The following ADAM28 variants were observed in gnomAD, a reference collection of about 807,000 sequenced individuals.
ADAM28 encodes the protein disintegrin and metalloproteinase domain-containing protein 28.
Under a neutral mutation model 101.2 loss-of-function variants are expected in ADAM28, and 105 were observed. That is an observed-to-expected ratio of 1.04 (90% CI 0.89 to 1.22). The LOEUF (loss-of-function observed/expected upper bound fraction) is 1.22, where lower values mean the gene tolerates loss of function less well. ADAM28 is among the 50% of genes most tolerant of loss of function. The pLI is 0.00. For synonymous variants in ADAM28, 322 were observed against 310.6 expected (o/e 1.04, Z -0.39); for missense variants, 1,028 against 945.4 (o/e 1.09, Z -1.15).
chr8:24,310,389 A>C (rs1245667069), intron 4 of ADAM28, 148 bp downstream of exon 4: 2 of 728,604 alleles, frequency 2.7e-6, no homozygotes, highest in African/African-American at 3.6e-5. Flanking sequence ...ATATAAAAAA[A>C]AGAAAAGTGG....
chr8:24,301,347 C>T (rs1563263793), intron 2 of ADAM28, among the ~76,000 whole-genome samples: 1 of 152,134 alleles, frequency 6.6e-6, no homozygotes, highest in Non-Finnish European at 1.5e-5. Flanking sequence ...AAATGTCAGA[C>T]ACCTTTTTTC....
intron 9 of ADAM28, among the ~76,000 whole-genome samples, chr8:24,325,905 AAAAC>A (rs1026445860): frequency 1.1e-4 from 16 of 149,286 alleles, no homozygotes; most frequent in African/African-American, 3.9e-4. Context: ...AAAAAACCAA[AAAAC>A]AAAAACTAAA....
chr8:24,321,256 G>C lies in ADAM28; in HGVS notation c.687G>C (p.Lys229Asn), dbSNP rs202161203. Residue 229 changes from lysine (K) to asparagine (N), a missense_variant, in exon 8 of 23, where the codon AAG becomes AAC. Physicochemically the swap from Lys to Asn is moderately conservative, Grantham distance 94 (BLOSUM62 0). Transcript: ENST00000265769. ...RYNENQDEIR[K>N]RVFEMANYVN... is the part of the protein sequence containing the mutation. ...ATGAGAATCAAGATGAGATCAGAAAGAGGGTATTTGAGATGGCTAATTATG... is the reference window on the plus strand; with the variant it reads ...ATGAGAATCAAGATGAGATCAGAAACAGGGTATTTGAGATGGCTAATTATG... The C allele has an allele frequency of 4.4e-6, 7 of 1,607,728 alleles. No homozygotes were observed.
chr8:24,298,136 T>C (rs1184266387), intron 1 of ADAM28, among the ~76,000 whole-genome samples: 1 of 152,202 alleles, frequency 6.6e-6, no homozygotes, highest in Admixed American at 6.5e-5. Context: ...GAACTAGCTT[T>C]AGAAACCATT....
intron 6 of ADAM28, among the ~76,000 whole-genome samples, chr8:24,314,049 A>G (rs12676567): frequency 0.18 from 27,633 of 152,142 alleles, 2,692 homozygotes; most frequent in East Asian, 0.34. Context: ...GAGCCACCGC[A>G]CTTAGCCGGA....
intron 2 of ADAM28, among the ~76,000 whole-genome samples, chr8:24,304,324 T>C (rs1322853743): frequency 6.6e-6 from 1 of 151,472 alleles, no homozygotes; most frequent in Non-Finnish European, 1.5e-5. Context: ...TCTAGTCCAT[T>C]ACTAGGTTAA....
At position 24,309,883 on chromosome 8, in the gene ADAM28, T is replaced by C; in HGVS notation, c.151-11T>C. Reference sequence around the variant, plus strand: ...TTTTAATTACAAGTAAATGTTTGTGTATTTTTGCAGGAACAATTTGAAACT... The same window carrying C: ...TTTTAATTACAAGTAAATGTTTGTGCATTTTTGCAGGAACAATTTGAAACT... On this transcript the variant is annotated splice_polypyrimidine_tract_variant and intron_variant, in intron 2 of 22. Transcript: ENST00000265769. 6.6e-7 allele frequency: 1 copy of C among 1,517,064 alleles called. No homozygotes were observed. The highest frequency in any genetic ancestry group is 9.1e-7 in the Non-Finnish European group (1 of 1,097,004). The allele number at this position is 1,517,064 out of a possible 1,614,324, so 94.0% of individuals were successfully genotyped here.
intron 18 of ADAM28, among the ~76,000 whole-genome samples, chr8:24,345,473 TATA>T (rs1290077362): frequency 3.9e-5 from 6 of 152,064 alleles, no homozygotes; most frequent in Non-Finnish European, 8.8e-5. Context: ...TCTTATTACT[TATA>T]ATGACATTTA....
chr8:24,316,307 C>G (rs756110958), intron 6 of ADAM28, among the ~76,000 whole-genome samples: 5 of 151,808 alleles, frequency 3.3e-5, no homozygotes, highest in Non-Finnish European at 5.9e-5. Context: ...AATATGTGGG[C>G]CTTCTACTGA....
chr8:24,321,036 C>A (rs546700553), intron 7 of ADAM28, among the ~76,000 whole-genome samples, 182 bp from the exon 8 acceptor site: 9 of 151,948 alleles, frequency 5.9e-5, no homozygotes, highest in Non-Finnish European at 1.3e-4. Flanking sequence ...CATATTCACT[C>A]CCAAAGTGCT....
intron 18 of ADAM28, among the ~76,000 whole-genome samples, chr8:24,344,395 A>T (rs1399417970): frequency 6.6e-6 from 1 of 152,096 alleles, no homozygotes; most frequent in Non-Finnish European, 1.5e-5. Context: ...ATGTTCCTGC[A>T]TCCTCTGTTT....
chr8:24,326,729 T>A, intron 10 of ADAM28, 94 bp downstream of exon 10: 1 of 1,224,808 alleles, frequency 8.2e-7, no homozygotes, highest in Non-Finnish European at 1.2e-6. Context: ...TTTTTCTCTG[T>A]AGTCTGTTGA....
At position 24,320,267 on chromosome 8, in the gene ADAM28, A is replaced by T; in HGVS notation, c.608A>T (p.Glu203Val). Residue 203 changes from glutamate (E) to valine (V), a missense_variant, in exon 7 of 23, where the codon GAG (glutamate) becomes GTG (valine). By Grantham distance (121) the Glu-to-Val change is moderately radical. Coordinates refer to ENST00000265769, the MANE Select transcript of ADAM28 (RefSeq NM_014265.6). Reference protein sequence around the residue: ...KLKDRKVQEHEKYIEYYLVLD... With the variant: ...KLKDRKVQEHVKYIEYYLVLD... ...AAAGACAGGAAGGTTCAGGAACATG[A>T]GAAATACATAGAATATTATTTGGTC... The T allele has an allele frequency of 1.2e-6, 2 of 1,602,260 alleles. No homozygotes were observed. Among genetic ancestry groups the T allele is most frequent in the Non-Finnish European group, 8.5e-7 (1 of 1,171,106 alleles).
intron 6 of ADAM28, among the ~76,000 whole-genome samples, chr8:24,319,719 G>C (rs1811620291): frequency 6.6e-6 from 1 of 151,432 alleles, no homozygotes; most frequent in Non-Finnish European, 1.5e-5. Flanking sequence ...ACATTGGTAA[G>C]TTTGAAACAT....
intron 10 of ADAM28, among the ~76,000 whole-genome samples, chr8:24,329,689 A>T (rs1308688462): frequency 6.6e-6 from 1 of 152,132 alleles, no homozygotes; most frequent in Non-Finnish European, 1.5e-5. Flanking sequence ...CTTAAAAAAA[A>T]GTTCTGATTT....
In ADAM28 at chr8:24,330,025, C is replaced by G. The variant is rs1367496449; in HGVS notation, c.1013C>G (p.Ala338Gly). 6.2e-7 allele frequency: 1 copy of G among 1,613,588 alleles called. No individual in the cohort carries two copies. The highest frequency in any genetic ancestry group is 8.5e-7 in the Non-Finnish European group (1 of 1,179,728). Residue 338 changes from alanine to glycine, a missense_variant, in exon 11 of 23, where the codon GCA (alanine) becomes GGA (glycine). Transcript: ENST00000265769. ...CTTCTTAGAGTTGCAGGGACAATGG[C>G]ACATGAAATGGGCCACAACTTTGGA... ...DNLLRVAGTM[A>G]HEMGHNFGMF... is the part of the protein sequence containing the mutation.
rs771881621 is a variant in ADAM28 at position 24,323,997 on chromosome 8, T to G, written c.884T>G (p.Leu295Ter). 6.2e-7 allele frequency: 1 copy of G among 1,611,694 alleles called. No individual in the cohort carries two copies. The highest frequency in any genetic ancestry group is 8.5e-7 in the Non-Finnish European group (1 of 1,178,472). The change falls in exon 9 of 23, where the codon TTA becomes TGA. Residue 295 changes from leucine to a stop codon, truncating the protein, a stop_gained. Transcript: ENST00000265769. LOFTEE classifies it high-confidence loss of function. ...AGAAAGCGTCATGATATTGCTCAGT[T>G]AATCACGTATGTACAGATTTTCTCC... ...SRRKRHDIAQLITATELAGTT... is the reference protein window; with the variant it reads ...SRRKRHDIAQ
chr8:24,314,993 A>G (rs977552170), intron 6 of ADAM28, among the ~76,000 whole-genome samples: 13 of 151,708 alleles, frequency 8.6e-5, no homozygotes, highest in Non-Finnish European at 1.3e-4. Flanking sequence ...CACTACAGAA[A>G]AATGACCAAA....
rs7001309 is a variant in ADAM28 at position 24,335,309 on chromosome 8, A to C, written c.1372-137A>C. On this transcript the variant is annotated intron_variant, in intron 13 of 22. Coordinates refer to ENST00000265769, the MANE Select transcript of ADAM28 (RefSeq NM_014265.6). The stretch of plus-strand genomic sequence containing the variant: ...ACAGATCATGGCTTTAATTTATGAC[A>C]ATGTAAGCTTCAGTGAAATGACACC... 3,825 of 1,378,494 alleles carry C rather than the reference A, an allele frequency of 2.8e-3. 95 individuals are homozygous for C. In the African/African-American group the frequency reaches 0.051, roughly 18 times the overall value. The allele number at this position is 1,378,494 out of a possible 1,614,324, so 85.4% of individuals were successfully genotyped here. A position where few individuals can be genotyped will look rare whatever the true frequency, so the allele number is the denominator to read the frequency against.
Sources: gnomAD v4.1 joint callset for allele counts (sites outside exome capture counted in the v4.1 genomes callset) on GRCh38, gnomAD v4.1.1 for gene constraint, MANE v1.5 for transcripts, NCBI Gene and HGNC (gene_info 2026-07-23, HGNC 2026-07-21) for gene names.